FAM204A: variants seen among roughly 807,000 people sequenced by gnomAD.
FAM204A encodes protein FAM204A.
A neutral mutation model predicts 35.4 loss-of-function variants in FAM204A; 16 were observed. That is an observed-to-expected ratio of 0.45 (90% CI 0.31 to 0.69). FAM204A has a LOEUF of 0.69. Among genes scored for constraint, FAM204A ranks in the 30% least tolerant of loss-of-function variants. The probability of loss-of-function intolerance (pLI) is 0.07; values close to 1 mark genes in which losing one functional copy is unlikely to be tolerated. For synonymous variants in FAM204A, 76 were observed against 86.9 expected (o/e 0.88, Z 0.70); for missense variants, 240 against 265.7 (o/e 0.90, Z 0.67).
chr10:118,317,928 A>T (rs2133271625), intron 7 of FAM204A, among the ~76,000 whole-genome samples: 1 of 152,146 alleles, frequency 6.6e-6, no homozygotes, highest in East Asian at 1.9e-4. Flanking sequence ...CGAGTTCTAG[A>T]TGATCCTCAA....
intron 7 of FAM204A, among the ~76,000 whole-genome samples, chr10:118,321,724 C>CAAAAAAAAAAAAAAAAAAAAAAAA (rs200200755): frequency 1.1e-5 from 1 of 87,258 alleles, no homozygotes; most frequent in African/African-American, 4.2e-5. Context: ...TATGACAAAG[C>CAAAAAAAAAAAAAAAAAAAAAAAA]AAAAAAAAAA....
rs565492466 is a variant in FAM204A at position 118,299,391 on chromosome 10, G to GTTTTTTTTTTTTTTTTTTTTTTTTTTTT, written c.*11465_*11466insAAAAAAAAAAAAAAAAAAAAAAAAAAAA. 4.4e-5 allele frequency: 4 copies of GTTTTTTTTTTTTTTTTTTTTTTTTTTTT among 90,274 alleles called. No homozygotes were observed. Among genetic ancestry groups the GTTTTTTTTTTTTTTTTTTTTTTTTTTTT allele is most frequent in the African/African-American group, 1.0e-4 (2 of 19,222 alleles). 5.6% of individuals were successfully genotyped at this position (90,274 alleles called of 1,614,324 possible). A position where few individuals can be genotyped will look rare whatever the true frequency, so the allele number is the denominator to read the frequency against. On this transcript the variant is annotated 3_prime_UTR_variant, in exon 9 of 9. Transcript: ENST00000369183. ...ACCTCCTCCTTTCTGCTTCCAGAAGGTTTTTTTTTTTTTTTTTTTTTTGAG... is the reference window on the plus strand; with the variant it reads ...ACCTCCTCCTTTCTGCTTCCAGAAGGTTTTTTTTTTTTTTTTTTTTTTTTTTTTTTTTTTTTTTTTTTTTTTTTTTGAG...
chr10:118,336,189 A>C lies in FAM204A; in HGVS notation c.227T>G (p.Met76Arg). Reference protein sequence around the residue: ...EECPSGIPIDMWNKFQELHKK... With the variant: ...EECPSGIPIDRWNKFQELHKK... Reference sequence around the variant, plus strand: ...ATTTCAGAGAAAACCTACATTCCACATATCTATGGGAATTCCAGAAGGACA... The same window carrying C: ...ATTTCAGAGAAAACCTACATTCCACCTATCTATGGGAATTCCAGAAGGACA... Residue 76 changes from methionine to arginine, a missense_variant, in exon 3 of 9, where the codon ATG (methionine) becomes AGG (arginine). Transcript: ENST00000369183. The C allele has an allele frequency of 2.5e-6, 4 of 1,613,308 alleles. No individual in the cohort carries two copies. Among genetic ancestry groups the C allele is most frequent in the South Asian group, 1.1e-5 (1 of 91,012 alleles).
At chr10:118,311,118 C>G in intron 8 of FAM204A, 89 bp downstream of exon 8, 1 of 1,230,942 alleles carries the variant, frequency 8.1e-7, no homozygotes, top group South Asian at 1.3e-5. Flanking sequence ...AATGAGTTAA[C>G]AGTTATACAC....
intron 7 of FAM204A, among the ~76,000 whole-genome samples, chr10:118,311,868 T>A (rs1274527518): frequency 6.6e-6 from 1 of 152,100 alleles, no homozygotes; most frequent in Non-Finnish European, 1.5e-5. Context: ...ATATCAGGGG[T>A]GCTAAGGTGA....
intron 7 of FAM204A, chr10:118,322,479 A>C: frequency 2.3e-6 from 1 of 438,148 alleles, no homozygotes; most frequent in Non-Finnish European, 4.6e-6. Context: ...TATAAGGGAC[A>C]TGCTACAAAG....
At chr10:118,331,077 G>C (rs1200843405) in intron 6 of FAM204A, among the ~76,000 whole-genome samples, 5 of 152,126 alleles carry the variant, frequency 3.3e-5, no homozygotes, top group Non-Finnish European at 7.3e-5. Context: ...CAAAAGAGAA[G>C]GCTTATCTCT....
chr10:118,338,844 C>T (rs1383616068), intron 2 of FAM204A, among the ~76,000 whole-genome samples: 2 of 152,130 alleles, frequency 1.3e-5, no homozygotes, highest in Non-Finnish European at 2.9e-5. Flanking sequence ...GTCTCAGTTG[C>T]CCCGAAGAAG....
intron 7 of FAM204A, among the ~76,000 whole-genome samples, chr10:118,321,737 A>AAG (rs1398881238): frequency 2.0e-5 from 3 of 149,354 alleles, no homozygotes; most frequent in South Asian, 2.1e-4. Flanking sequence ...AAAAAAAAAA[A>AAG]AAAAAAAGAA....
chr10:118,314,515 C>T (rs1846000468), intron 7 of FAM204A, among the ~76,000 whole-genome samples: 1 of 152,128 alleles, frequency 6.6e-6, no homozygotes, highest in Non-Finnish European at 1.5e-5. Flanking sequence ...GTTTCCCAGT[C>T]AAGATGACTA....
chr10:118,340,438 G>A (rs999905728), intron 2 of FAM204A, among the ~76,000 whole-genome samples: 3 of 152,178 alleles, frequency 2.0e-5, no homozygotes, highest in Admixed American at 6.5e-5. Flanking sequence ...AATGATCTCT[G>A]AGATGTCTTA....
intron 5 of FAM204A, 73 bp downstream of exon 5, chr10:118,335,323 T>C (rs755601330): frequency 7.1e-5 from 111 of 1,558,112 alleles, no homozygotes; most frequent in Non-Finnish European, 9.0e-5. Context: ...TATGTTTGAT[T>C]ACTATCAGAA....
At chr10:118,311,651 G>A (rs909254281) in intron 7 of FAM204A, among the ~76,000 whole-genome samples, 1 of 152,150 alleles carries the variant, frequency 6.6e-6, no homozygotes, top group African/African-American at 2.4e-5. Flanking sequence ...TGATAAGGCT[G>A]CAGACACTGA....
intron 7 of FAM204A, among the ~76,000 whole-genome samples, chr10:118,321,797 A>G (rs1846122807): frequency 6.6e-6 from 1 of 150,722 alleles, no homozygotes; most frequent in Non-Finnish European, 1.5e-5. Flanking sequence ...CTAAGGCGCT[A>G]GTTCTGTATG....
intron 4 of FAM204A, 44 bp from the exon 5 acceptor site, chr10:118,335,470 T>C: frequency 6.3e-7 from 1 of 1,596,262 alleles, no homozygotes; most frequent in South Asian, 1.2e-5. Context: ...TTCAGTAATT[T>C]CAAAACCATA....
intron 7 of FAM204A, 45 bp downstream of exon 7, chr10:118,326,109 T>C (rs1307886149): frequency 2.8e-6 from 4 of 1,442,946 alleles, no homozygotes; most frequent in Non-Finnish European, 3.8e-6. Flanking sequence ...AAATTTATTC[T>C]AGAAAATTTG....
chr10:118,336,146 A>G, intron 3 of FAM204A, 36 bp downstream of exon 3: 1 of 1,597,152 alleles, frequency 6.3e-7, no homozygotes, highest in Non-Finnish European at 8.5e-7. Context: ...GTGCACACAC[A>G]CAGGCTGTAG....
chr10:118,315,885 T>C (rs1262592258), intron 7 of FAM204A, among the ~76,000 whole-genome samples: 2 of 152,178 alleles, frequency 1.3e-5, no homozygotes, highest in South Asian at 2.1e-4. Flanking sequence ...TCATGGATCA[T>C]TGGCACTGTC....
intron 6 of FAM204A, among the ~76,000 whole-genome samples, chr10:118,332,149 G>A (rs1159812562): frequency 1.0e-5 from 1 of 99,956 alleles, no homozygotes; most frequent in Non-Finnish European, 1.9e-5. Flanking sequence ...TCCAGCCTGG[G>A]CAACAGAGCA....
Sources: gnomAD v4.1 joint callset for allele counts (sites outside exome capture counted in the v4.1 genomes callset) on GRCh38, gnomAD v4.1.1 for gene constraint, MANE v1.5 for transcripts, NCBI Gene and HGNC (gene_info 2026-07-23, HGNC 2026-07-21) for gene names.